The following MED13L variants were observed in gnomAD, a reference collection of about 807,000 sequenced individuals.
MED13L encodes mediator complex subunit 13L, also known as mediator of RNA polymerase II transcription subunit 13-like.
MED13L carries 7 observed loss-of-function variants against 220.9 expected under a neutral mutation model. The observed-to-expected ratio is 0.03, with a 90% CI of 0.02 to 0.06. The LOEUF is 0.06. MED13L is among the 10% of genes least tolerant of loss of function. The pLI is 1.00. For missense variants in MED13L, 1,965 were observed against 2,760.5 expected, an observed-to-expected ratio of 0.71 and a Z score of 6.46; for synonymous variants, 1,011 against 1,015.2, an observed-to-expected ratio of 1.00 and a Z score of 0.08.
At chr12:116,239,145 CA>C (rs1039309754) in intron 1 of MED13L, among the ~76,000 whole-genome samples, 16 of 149,208 alleles carry the variant, frequency 1.1e-4, no homozygotes, top group African/African-American at 3.4e-4. Context: ...AAACAAACAA[CA>C]AAAAAAAAGG....
At chr12:116,142,448 G>A (rs1012122903) in intron 2 of MED13L, among the ~76,000 whole-genome samples, 1 of 152,152 alleles carries the variant, frequency 6.6e-6, no homozygotes, top group African/African-American at 2.4e-5. Flanking sequence ...AGCATTCTGG[G>A]AGGCCGAAGC....
intron 2 of MED13L, among the ~76,000 whole-genome samples, chr12:116,154,639 G>C (rs1878290364): frequency 6.6e-6 from 1 of 152,056 alleles, no homozygotes; most frequent in Non-Finnish European, 1.5e-5. Flanking sequence ...GTGCTTACGA[G>C]ACACATTAGT....
chr12:116,107,096 T>C (rs147769327), intron 3 of MED13L, among the ~76,000 whole-genome samples: 3 of 152,322 alleles, frequency 2.0e-5, no homozygotes, highest in East Asian at 3.9e-4. Context: ...CTTTAGTCAC[T>C]GGCATGTGTC....
chr12:116,251,360 C>T (rs1871540582), intron 1 of MED13L, among the ~76,000 whole-genome samples: 1 of 118,460 alleles, frequency 8.4e-6, no homozygotes, highest in Non-Finnish European at 1.6e-5. Flanking sequence ...TGGGGTTTCA[C>T]TGTGTTAGCC....
chr12:115,996,623 A>C lies in MED13L; in HGVS notation c.2849T>G (p.Phe950Cys). The change falls in exon 16 of 31, where the codon TTT becomes TGT. Residue 950 changes from phenylalanine (F) to cysteine (C), a missense_variant. Transcript: ENST00000281928. Reference sequence around the variant, plus strand: ...GCTCGGCAACATCTTCAGTGGAGCAAACATGGAGGATCCCACAAAAGGTTG... The same window carrying C: ...GCTCGGCAACATCTTCAGTGGAGCACACATGGAGGATCCCACAAAAGGTTG... The part of the protein sequence containing the change: ...SFQPFVGSSM[F>C]APLKMLPSHC... 6.2e-7 allele frequency: 1 copy of C among 1,614,156 alleles called. No individual in the cohort carries two copies. Among genetic ancestry groups the C allele is most frequent in the Non-Finnish European group, 8.5e-7 (1 of 1,179,998 alleles).
At chr12:116,073,553 T>C (rs886376205) in intron 4 of MED13L, among the ~76,000 whole-genome samples, 5 of 152,268 alleles carry the variant, frequency 3.3e-5, no homozygotes, top group South Asian at 2.1e-4. Flanking sequence ...ATCAAAATAA[T>C]TGATAGTAAA....
At chr12:116,031,749 AGAAAAGAAAAGAAGGAAGGAAG>A (rs1880827597) in intron 4 of MED13L, among the ~76,000 whole-genome samples, 1 of 53,552 alleles carries the variant, frequency 1.9e-5, no homozygotes, top group Non-Finnish European at 3.1e-5. Flanking sequence ...AGAAAAGAAA[AGAAAAGAAAAGAAGGAAGGAAG>A]GAAGGAAGGA....
At chr12:115,972,382 G>A (rs976404896) in intron 25 of MED13L, 146 bp from the exon 26 acceptor site, 30 of 891,782 alleles carry the variant, frequency 3.4e-5, no homozygotes, top group Middle Eastern at 6.4e-4. Context: ...TCCCCTCCTT[G>A]CTATAGAGAA....
chr12:116,236,865 T>G, intron 2 of MED13L: 1 of 985,154 alleles, frequency 1.0e-6, no homozygotes, highest in Non-Finnish European at 1.2e-6. Context: ...AAGCTAAAAA[T>G]CAGGCAACAC....
At chr12:116,100,561 T>C (rs928734278) in intron 3 of MED13L, among the ~76,000 whole-genome samples, 32 of 144,190 alleles carry the variant, frequency 2.2e-4, no homozygotes, top group Admixed American at 2.0e-3. Context: ...GATCACACCA[T>C]TGCATTCTGG....
intron 4 of MED13L, among the ~76,000 whole-genome samples, chr12:116,092,597 C>T (rs553888834): frequency 2.6e-5 from 4 of 152,234 alleles, no homozygotes; most frequent in South Asian, 2.1e-4. Flanking sequence ...TGTATTGTTA[C>T]ACAAAATACA....
chr12:116,001,542 T>C (rs928698465), intron 14 of MED13L, among the ~76,000 whole-genome samples: 1 of 152,218 alleles, frequency 6.6e-6, no homozygotes, highest in Non-Finnish European at 1.5e-5. Context: ...TTGCTGAGAT[T>C]AAAATATCTT....
chr12:116,256,029 C>T (rs1042216428), intron 1 of MED13L, among the ~76,000 whole-genome samples: 11 of 152,148 alleles, frequency 7.2e-5, no homozygotes, highest in Non-Finnish European at 8.8e-5. Flanking sequence ...ATGTACTACA[C>T]GCCACAAGGA....
At chr12:115,983,068 A>G (rs765008190) in intron 21 of MED13L, 49 bp downstream of exon 21, 17 of 1,581,572 alleles carry the variant, frequency 1.1e-5, no homozygotes, top group Non-Finnish European at 1.5e-5. Context: ...AGAAGAAGAG[A>G]GAAAGGGTCT....
At chr12:116,243,960 T>C (rs1870871290) in intron 1 of MED13L, among the ~76,000 whole-genome samples, 1 of 152,212 alleles carries the variant, frequency 6.6e-6, no homozygotes, top group African/African-American at 2.4e-5. Flanking sequence ...GTAAATGAGA[T>C]GGAACCCTTA....
intron 2 of MED13L, among the ~76,000 whole-genome samples, chr12:116,229,156 G>A (rs1163782549): frequency 6.6e-6 from 1 of 151,876 alleles, no homozygotes; most frequent in Admixed American, 6.6e-5. Context: ...TGGTGAGGGG[G>A]GCATCAAACA....
At chr12:116,020,029 T>C in intron 5 of MED13L, 57 bp from the exon 6 acceptor site, 1 of 1,454,470 alleles carries the variant, frequency 6.9e-7, no homozygotes, top group South Asian at 1.2e-5. Flanking sequence ...CCTACTTAAG[T>C]GCAACACTAC....
rs1246056919 is a variant in MED13L, at chr12:116,277,338, G to GTCCGCT, written c.-208_-207insAGCGGA. 1.5e-5 allele frequency: 2 copies of GTCCGCT among 133,326 alleles called. No homozygotes were observed. Among genetic ancestry groups the GTCCGCT allele is most frequent in the African/African-American group, 5.4e-5 (2 of 36,766 alleles). 8.3% of individuals were successfully genotyped at this position (133,326 alleles called of 1,614,324 possible). The stretch of plus-strand genomic sequence containing the variant: ...GCAGCGGGCCCGGGCTGGCGGGGGG[G>GTCCGCT]GCGCGCGCCCCGGGCCGGCGCTGCG... On this transcript the variant is annotated 5_prime_UTR_variant, in exon 1 of 31. Transcript: ENST00000281928.
At chr12:116,116,956 G>C (rs1009217180) in intron 2 of MED13L, among the ~76,000 whole-genome samples, 1 of 149,726 alleles carries the variant, frequency 6.7e-6, no homozygotes, top group East Asian at 2.1e-4. Context: ...AGGAAAAAAC[G>C]AACTCTTTTT....
Sources: gnomAD v4.1 joint callset for allele counts (sites outside exome capture counted in the v4.1 genomes callset) on GRCh38, gnomAD v4.1.1 for gene constraint, MANE v1.5 for transcripts, NCBI Gene and HGNC (gene_info 2026-07-23, HGNC 2026-07-21) for gene names.